CCDC178: variants seen among roughly 807,000 people sequenced by gnomAD.
CCDC178 encodes the protein coiled-coil domain-containing protein 178.
In CCDC178, 126 loss-of-function variants were observed where a neutral mutation model predicts 117.4. That is an observed-to-expected ratio of 1.07 (90% CI 0.93 to 1.24). The LOEUF (loss-of-function observed/expected upper bound fraction) is 1.24. CCDC178 is among the 50% of genes most tolerant of loss of function. CCDC178 has a pLI of 0.00. For synonymous variants in CCDC178, 283 were observed against 313.4 expected (o/e 0.90, Z 1.02); for missense variants, 1,030 against 986.9 (o/e 1.04, Z -0.59).
At chr18:32,991,597 ACTTT>A (rs2055394784) in intron 21 of CCDC178, among the ~76,000 whole-genome samples, 1 of 152,162 alleles carries the variant, frequency 6.6e-6, no homozygotes, top group South Asian at 2.1e-4. Flanking sequence ...TGTGCTCTTT[ACTTT>A]CTTTAATAAA....
At chr18:33,090,868 C>T (rs2057451494) in intron 21 of CCDC178, among the ~76,000 whole-genome samples, 1 of 152,210 alleles carries the variant, frequency 6.6e-6, no homozygotes, top group African/African-American at 2.4e-5. Context: ...ACTATAGTCT[C>T]AGTCCTTGTA....
chr18:33,032,206 C>G (rs1033739798), intron 21 of CCDC178, among the ~76,000 whole-genome samples: 1 of 152,048 alleles, frequency 6.6e-6, no homozygotes. Flanking sequence ...TAATGAATTT[C>G]TTGTGTGTGT....
intron 21 of CCDC178, among the ~76,000 whole-genome samples, chr18:33,046,477 T>C (rs2056645207): frequency 6.6e-6 from 1 of 151,992 alleles, no homozygotes; most frequent in African/African-American, 2.4e-5. Flanking sequence ...AAGTACAGCA[T>C]ATACCTGTTA....
At chr18:32,948,967 T>G (rs1277930766) in intron 22 of CCDC178, among the ~76,000 whole-genome samples, 2 of 152,094 alleles carry the variant, frequency 1.3e-5, no homozygotes, top group Non-Finnish European at 2.9e-5. Context: ...AACTTTTGTA[T>G]GTCTGTAAAA....
rs772360717 is a variant in CCDC178 at position 33,050,908 on chromosome 18, ATTTG to A, written c.2388+41849_2388+41852del. Among the ~76,000 whole-genome samples, 21 of 152,090 alleles carry A rather than the reference ATTTG, an allele frequency of 1.4e-4. No homozygotes were observed. In the South Asian group the frequency reaches 2.5e-3, roughly 18 times the overall value. On this transcript the variant is annotated intron_variant, in intron 21 of 22. Transcript: ENST00000383096. ...GTAGTTTGGCTTTGACTGATCATCAATTTGTTTGTTTGTTTTTTGTTTGAGATAG... is the reference window on the plus strand; with the variant it reads ...GTAGTTTGGCTTTGACTGATCATCAATTTGTTTGTTTTTTGTTTGAGATAG...
chr18:33,104,374 C>T (rs890197332), intron 20 of CCDC178, among the ~76,000 whole-genome samples: 3 of 151,602 alleles, frequency 2.0e-5, no homozygotes, highest in East Asian at 1.9e-4. Context: ...TAATAGTTAC[C>T]GAATTCATGG....
chr18:32,998,170 G>A (rs2055558149), intron 21 of CCDC178, among the ~76,000 whole-genome samples: 2 of 152,204 alleles, frequency 1.3e-5, no homozygotes, highest in Admixed American at 1.3e-4. Context: ...TGTGCTTGGA[G>A]GAGGCAGAGT....
chr18:33,026,675 T>C (rs973625444), intron 21 of CCDC178, among the ~76,000 whole-genome samples: 1 of 151,740 alleles, frequency 6.6e-6, no homozygotes, highest in Non-Finnish European at 1.5e-5. Flanking sequence ...ACAGAAATGA[T>C]AGGAAATGAA....
rs866022063 is a variant in CCDC178 at position 33,164,126 on chromosome 18, A to T, written c.2238+47770T>A. On this transcript the variant is annotated intron_variant, in intron 20 of 22. Coordinates refer to ENST00000383096, the MANE Select transcript of CCDC178 (RefSeq NM_001105528.4). ...TTCTTTTTTTTTTTTTTTTTTTTTTAAACAGAGTTTCGCTCTTGTTGCCCA... is the reference window on the plus strand; with the variant it reads ...TTCTTTTTTTTTTTTTTTTTTTTTTTAACAGAGTTTCGCTCTTGTTGCCCA... Among the ~76,000 whole-genome samples, 13 of 121,538 alleles carry T rather than the reference A, an allele frequency of 1.1e-4. No homozygotes were observed. In the South Asian group the frequency reaches 2.7e-3, roughly 25 times the overall value. The allele number at this position is 121,538 out of a possible 152,430, so 79.7% of individuals were successfully genotyped here.
At chr18:33,304,029 A>G (rs924661034) in intron 11 of CCDC178, among the ~76,000 whole-genome samples, 2 of 152,160 alleles carry the variant, frequency 1.3e-5, no homozygotes, top group African/African-American at 4.8e-5. Flanking sequence ...TGCAACAATC[A>G]GTCATCAGCT....
At chr18:33,219,400 A>G (rs1166582398) in intron 18 of CCDC178, among the ~76,000 whole-genome samples, 1 of 152,122 alleles carries the variant, frequency 6.6e-6, no homozygotes, top group Non-Finnish European at 1.5e-5. Flanking sequence ...TAGAAATACC[A>G]TTTGACCCAG....
At chr18:33,031,804 G>A (rs79784006) in intron 21 of CCDC178, among the ~76,000 whole-genome samples, 4,811 of 151,958 alleles carry the variant, frequency 0.032, 121 homozygotes, top group East Asian at 0.081. Flanking sequence ...CACTGTTCAC[G>A]ATAGCCCCAA....
intron 21 of CCDC178, among the ~76,000 whole-genome samples, chr18:33,017,400 T>C (rs2056014325): frequency 6.6e-6 from 1 of 151,908 alleles, no homozygotes; most frequent in Admixed American, 6.5e-5. Context: ...GTGTAATACT[T>C]GTGGTCTAAA....
At position 33,329,398 on chromosome 18, in the gene CCDC178, AC is replaced by A. The variant is rs144878625; in HGVS notation, c.879+3775del. Among the ~76,000 whole-genome samples the A allele has an allele frequency of 6.1e-3, 934 of 152,276 alleles. 8 individuals are homozygous for A. The highest frequency in any genetic ancestry group is 0.02 in the African/African-American group (839 of 41,562). The stretch of plus-strand genomic sequence containing the variant: ...CTAGAGGAAAAGGTTTAAGTCTTTC[AC>A]CATTATTTTCAGTATTACCTGTGGG... On this transcript the variant is annotated intron_variant, in intron 10 of 22. Transcript: ENST00000383096.
At chr18:33,333,509 T>A in intron 9 of CCDC178, 115 bp from the exon 10 acceptor site, 21 of 272,388 alleles carry the variant, frequency 7.7e-5, no homozygotes, top group Middle Eastern at 1.2e-3. Flanking sequence ...CTTACTACTT[T>A]TTTTTTTTTT....
intron 21 of CCDC178, among the ~76,000 whole-genome samples, chr18:32,998,929 G>A (rs1598771119): frequency 6.6e-6 from 1 of 152,128 alleles, no homozygotes; most frequent in East Asian, 2.0e-4. Flanking sequence ...TACGGAAAGA[G>A]GCTCCTTCTG....
At chr18:33,286,901 A>G (rs1048217960) in intron 12 of CCDC178, among the ~76,000 whole-genome samples, 2 of 152,214 alleles carry the variant, frequency 1.3e-5, no homozygotes, top group Admixed American at 6.5e-5. Context: ...TTTTCTTAAA[A>G]AATATTCTGA....
At chr18:33,081,886 A>G (rs928065144) in intron 21 of CCDC178, among the ~76,000 whole-genome samples, 16 of 152,294 alleles carry the variant, frequency 1.1e-4, no homozygotes, top group African/African-American at 3.1e-4. Flanking sequence ...AAAAAAGAAC[A>G]TTTGTCATTT....
chr18:33,180,522 A>G (rs929428911), intron 20 of CCDC178, among the ~76,000 whole-genome samples: 2 of 152,022 alleles, frequency 1.3e-5, no homozygotes, highest in African/African-American at 2.4e-5. Flanking sequence ...AAATAGACTT[A>G]GAATAAAAAT....
Sources: gnomAD v4.1 joint callset for allele counts (sites outside exome capture counted in the v4.1 genomes callset) on GRCh38, gnomAD v4.1.1 for gene constraint, MANE v1.5 for transcripts, NCBI Gene and HGNC (gene_info 2026-07-23, HGNC 2026-07-21) for gene names.